Variants in PDLIM5 observed in about 807,000 individuals in gnomAD.
PDLIM5 encodes the protein PDZ and LIM domain protein 5.
A neutral mutation model predicts 64.2 loss-of-function variants in PDLIM5; 34 were observed. The observed-to-expected ratio is 0.53, with a 90% confidence interval of 0.40 to 0.71. The LOEUF (loss-of-function observed/expected upper bound fraction) is 0.71, where lower values mean the gene tolerates loss of function less well. Among genes scored for constraint, PDLIM5 ranks in the 30% least tolerant of loss-of-function variants. The pLI, the probability that PDLIM5 is intolerant of heterozygous loss-of-function variation, is 0.00. For synonymous variants in PDLIM5, 253 were observed against 269.1 expected, an observed-to-expected ratio of 0.94 and a Z score of 0.59; for missense variants, 683 against 733.6, an observed-to-expected ratio of 0.93 and a Z score of 0.80.
chr4:94,507,425 G>C (rs552680343), intron 2 of PDLIM5, among the ~76,000 whole-genome samples: 1 of 151,962 alleles, frequency 6.6e-6, no homozygotes, highest in Non-Finnish European at 1.5e-5. Context: ...TATCTAAATC[G>C]GGTATGGGTG....
chr4:94,527,720 T>C (rs1730500295), intron 3 of PDLIM5, among the ~76,000 whole-genome samples: 1 of 152,246 alleles, frequency 6.6e-6, no homozygotes, highest in Non-Finnish European at 1.5e-5. Context: ...GGAACAAAAT[T>C]GCACTACAGA....
chr4:94,577,484 T>TATA, intron 5 of PDLIM5: 3 of 339,068 alleles, frequency 8.8e-6, no homozygotes, highest in Non-Finnish European at 1.7e-5. Context: ...TATATATATA[T>TATA]TGAGGAAAAC....
chr4:94,461,013 T>C (rs1723830585), intron 2 of PDLIM5, among the ~76,000 whole-genome samples: 1 of 152,228 alleles, frequency 6.6e-6, no homozygotes, highest in African/African-American at 2.4e-5. Context: ...CAGTGGTCTT[T>C]GTCTATGACA....
chr4:94,508,246 GC>G (rs1728565192), intron 2 of PDLIM5, among the ~76,000 whole-genome samples: 1 of 152,208 alleles, frequency 6.6e-6, no homozygotes, highest in African/African-American at 2.4e-5. Flanking sequence ...AGACCAGAGA[GC>G]TAGAAGTGAT....
chr4:94,575,555 T>G, intron 4 of PDLIM5, 61 bp from the exon 5 acceptor site: 2 of 1,156,020 alleles, frequency 1.7e-6, no homozygotes, highest in Admixed American at 4.6e-5. Context: ...TTCTTTTCGG[T>G]GAAATATATT....
chr4:94,652,627 G>C (rs188060488), intron 9 of PDLIM5, among the ~76,000 whole-genome samples: 1 of 152,078 alleles, frequency 6.6e-6, no homozygotes, highest in Non-Finnish European at 1.5e-5. Flanking sequence ...TAATATATTC[G>C]ATTACAGAAT....
intron 7 of PDLIM5, among the ~76,000 whole-genome samples, chr4:94,610,788 AG>A (rs1481858044): frequency 6.6e-6 from 1 of 152,204 alleles, no homozygotes; most frequent in Non-Finnish European, 1.5e-5. Context: ...TAATTTCTAT[AG>A]TCTTTAGAGC....
intron 3 of PDLIM5, among the ~76,000 whole-genome samples, chr4:94,559,801 T>C (rs1481953922): frequency 6.6e-6 from 1 of 152,224 alleles, no homozygotes; most frequent in Non-Finnish European, 1.5e-5. Context: ...TGACTGGGCC[T>C]TTGGGTTATA....
At chr4:94,579,468 AT>A in intron 5 of PDLIM5, 1 of 959,638 alleles carries the variant, frequency 1.0e-6, no homozygotes, top group Non-Finnish European at 1.5e-6. Flanking sequence ...GCCTTGGAAG[AT>A]TAAAAAAAAA....
intron 2 of PDLIM5, among the ~76,000 whole-genome samples, chr4:94,502,213 C>T (rs1020424513): frequency 2.6e-5 from 4 of 152,094 alleles, no homozygotes; most frequent in South Asian, 4.2e-4. Context: ...AGAGACATAC[C>T]GAGAGTTAAT....
intron 2 of PDLIM5, among the ~76,000 whole-genome samples, chr4:94,503,700 G>A (rs886964124): frequency 2.2e-4 from 33 of 152,146 alleles, no homozygotes; most frequent in African/African-American, 7.2e-4. Flanking sequence ...ATTTTCCAAC[G>A]TTGATACCTC....
At chr4:94,455,886 A>G in intron 2 of PDLIM5, 2 of 1,417,046 alleles carry the variant, frequency 1.4e-6, no homozygotes, top group African/African-American at 2.8e-5. Flanking sequence ...TGAAGAGGAA[A>G]TGAAGGGCTT....
chr4:94,515,010 A>T (rs1302976561), intron 2 of PDLIM5, among the ~76,000 whole-genome samples: 1 of 152,262 alleles, frequency 6.6e-6, no homozygotes, highest in East Asian at 1.9e-4. Flanking sequence ...ATAACAACAA[A>T]AAAATTAGGA....
chr4:94,462,147 G>C (rs1195570147), intron 2 of PDLIM5, among the ~76,000 whole-genome samples: 1 of 152,200 alleles, frequency 6.6e-6, no homozygotes, highest in South Asian at 2.1e-4. Context: ...ACAGGCGTGA[G>C]CCACTGCACC....
At chr4:94,639,332 G>A (rs1488502587) in intron 8 of PDLIM5, among the ~76,000 whole-genome samples, 1 of 152,158 alleles carries the variant, frequency 6.6e-6, no homozygotes, top group African/African-American at 2.4e-5. Flanking sequence ...CAAATAGGGA[G>A]ATCCTTAAAT....
At chr4:94,608,538 A>G (rs79266436) in intron 7 of PDLIM5, among the ~76,000 whole-genome samples, 1,669 of 152,266 alleles carry the variant, frequency 0.011, 39 homozygotes, top group African/African-American at 0.038. Flanking sequence ...GACATATTCT[A>G]AAGATACTCA....
intron 2 of PDLIM5, among the ~76,000 whole-genome samples, chr4:94,518,597 G>T (rs780640208): frequency 1.3e-5 from 2 of 152,108 alleles, no homozygotes; most frequent in Non-Finnish European, 2.9e-5. Flanking sequence ...TTAAAGGCAC[G>T]CAAGTATTAC....
chr4:94,464,592 A>G (rs555619985), intron 2 of PDLIM5, among the ~76,000 whole-genome samples: 1 of 152,344 alleles, frequency 6.6e-6, no homozygotes, highest in Admixed American at 6.5e-5. Context: ...TCCCTTAACT[A>G]GGACCCCTTA....
intron 7 of PDLIM5, among the ~76,000 whole-genome samples, chr4:94,605,481 A>T (rs1737839340): frequency 1.3e-5 from 2 of 152,222 alleles, no homozygotes; most frequent in East Asian, 3.8e-4. Context: ...ATGAAAACTC[A>T]TTTAAGCAAG....
Sources: gnomAD v4.1 joint callset for allele counts (sites outside exome capture counted in the v4.1 genomes callset) on GRCh38, gnomAD v4.1.1 for gene constraint, MANE v1.5 for transcripts, NCBI Gene and HGNC (gene_info 2026-07-23, HGNC 2026-07-21) for gene names.